NEGR1: variants seen among roughly 807,000 people sequenced by gnomAD.
NEGR1 encodes the protein IgLON family member 4.
NEGR1 carries 10 observed loss-of-function variants against 40.9 expected under a neutral mutation model. That is an observed-to-expected ratio of 0.24 (90% CI 0.15 to 0.42). The LOEUF is 0.42. Ranked by LOEUF, NEGR1 falls within the 10% of genes least tolerant of loss-of-function variation. NEGR1 has a pLI of 1.00. For synonymous variants in NEGR1, 185 were observed against 166.8 expected, an observed-to-expected ratio of 1.11 and a Z score of -0.84; for missense variants, 352 against 438.9, an observed-to-expected ratio of 0.80 and a Z score of 1.77.
rs530330261 is a variant in NEGR1, at chr1:72,087,441, T to A, written c.177-152130A>T. Among the ~76,000 whole-genome samples the A allele has an allele frequency of 7.6e-3, 1,115 of 147,636 alleles. 9 individuals carry two copies. The highest frequency in any genetic ancestry group is 0.021 in the African/African-American group (800 of 38,924). On this transcript the variant is annotated intron_variant, in intron 1 of 6. Coordinates refer to ENST00000357731, the MANE Select transcript of NEGR1 (RefSeq NM_173808.3). ...GTGAGATGCTGTCTCAAAAAAAAAA[T>A]ATATATATATATATTATTACTTAAC...
At chr1:71,607,039 G>A (rs1044894401) in intron 5 of NEGR1, among the ~76,000 whole-genome samples, 4 of 152,266 alleles carry the variant, frequency 2.6e-5, no homozygotes, top group East Asian at 1.9e-4. Context: ...GAAGTAAAGC[G>A]ATCGTATAAG....
chr1:72,173,732 G>A (rs1652051504), intron 1 of NEGR1, among the ~76,000 whole-genome samples: 1 of 152,106 alleles, frequency 6.6e-6, no homozygotes, highest in African/African-American at 2.4e-5. Flanking sequence ...CCTGAGGTGA[G>A]GAGTTCGAGA....
intron 1 of NEGR1, among the ~76,000 whole-genome samples, chr1:71,958,019 T>C (rs1230350645): frequency 1.3e-5 from 2 of 152,224 alleles, no homozygotes; most frequent in African/African-American, 4.8e-5. Context: ...CATCCTTTAA[T>C]GTCCATTATA....
chr1:72,097,620 T>C (rs1648752325), intron 1 of NEGR1, among the ~76,000 whole-genome samples: 1 of 152,212 alleles, frequency 6.6e-6, no homozygotes. Flanking sequence ...ACTGTTTTCT[T>C]CTGCCCCCAT....
intron 4 of NEGR1, among the ~76,000 whole-genome samples, chr1:71,672,884 C>A (rs778656783): frequency 6.6e-6 from 1 of 152,076 alleles, no homozygotes; most frequent in Non-Finnish European, 1.5e-5. Flanking sequence ...CAACACCTAA[C>A]GGCTTGGCGG....
Position 71,667,066 on chromosome 1 carries a change from A to T in NEGR1, c.667+30942T>A, listed in dbSNP as rs139224080. ...CTGGTCATATAATGAAGTCCATAAC[A>T]CAAAAGAAATGTGAGCAGGGCTGTA... On this transcript the variant is annotated intron_variant, in intron 4 of 6. Transcript: ENST00000357731. 5.9e-5 allele frequency among the ~76,000 whole-genome samples: 9 copies of T among 152,318 alleles called. No homozygotes were observed. In the East Asian group the frequency reaches 1.7e-3, roughly 29 times the overall value.
chr1:71,919,496 CTTTT>C (rs79222767), intron 2 of NEGR1, among the ~76,000 whole-genome samples: 5 of 139,562 alleles, frequency 3.6e-5, no homozygotes, highest in Non-Finnish European at 4.7e-5. Context: ...CTATCTTAAC[CTTTT>C]TTTTTTTTTT....
intron 1 of NEGR1, among the ~76,000 whole-genome samples, chr1:72,149,296 C>A (rs1455474441): frequency 6.6e-6 from 1 of 152,066 alleles, no homozygotes; most frequent in East Asian, 1.9e-4. Context: ...GATTCAACTA[C>A]CTCCCCCTGG....
chr1:71,491,440 A>T (rs1646926932), intron 6 of NEGR1, among the ~76,000 whole-genome samples: 1 of 152,038 alleles, frequency 6.6e-6, no homozygotes, highest in Admixed American at 6.6e-5. Flanking sequence ...GTGAAGGAAT[A>T]TGTATTTATT....
At chr1:72,059,739 A>G (rs1478664957) in intron 1 of NEGR1, among the ~76,000 whole-genome samples, 1 of 151,660 alleles carries the variant, frequency 6.6e-6, no homozygotes, top group Non-Finnish European at 1.5e-5. Flanking sequence ...CCTGCATATT[A>G]ATATTATCCA....
chr1:71,912,806 A>G lies in NEGR1; in HGVS notation c.409+22273T>C, dbSNP rs76952469. On this transcript the variant is annotated intron_variant, in intron 2 of 6. Transcript: ENST00000357731. ...TGGATAGATGGATAGATGTATGTAC[A>G]TGTGTGTGTATATATATATAGTACA... Among the ~76,000 whole-genome samples, 9 of 91,850 alleles carry G rather than the reference A, an allele frequency of 9.8e-5. No individual in the cohort carries two copies. The East Asian group carries it at 6.5e-3, about 66-fold the overall frequency. 60.3% of individuals were successfully genotyped at this position (91,850 alleles called of 152,430 possible).
intron 1 of NEGR1, among the ~76,000 whole-genome samples, chr1:72,118,771 A>G (rs1471702664): frequency 6.6e-6 from 1 of 151,834 alleles, no homozygotes; most frequent in African/African-American, 2.4e-5. Context: ...GAATGTATTT[A>G]TGTGTATATA....
At chr1:71,534,230 C>T (rs189750555) in intron 6 of NEGR1, among the ~76,000 whole-genome samples, 1 of 151,798 alleles carries the variant, frequency 6.6e-6, no homozygotes, top group East Asian at 2.0e-4. Flanking sequence ...AAGGCAGTGG[C>T]AATGACCAAT....
chr1:71,754,426 T>C (rs1655665854), intron 3 of NEGR1, among the ~76,000 whole-genome samples: 1 of 152,124 alleles, frequency 6.6e-6, no homozygotes, highest in Non-Finnish European at 1.5e-5. Context: ...ATATTTTTGG[T>C]GAAATAAGGA....
At chr1:71,410,405 C>T (rs906504599) in intron 6 of NEGR1, among the ~76,000 whole-genome samples, 5 of 152,034 alleles carry the variant, frequency 3.3e-5, no homozygotes, top group Non-Finnish European at 4.4e-5. Context: ...TTGAATTAAG[C>T]CTCACATAGG....
intron 1 of NEGR1, among the ~76,000 whole-genome samples, chr1:72,126,287 A>T (rs553087974): frequency 3.3e-5 from 5 of 152,124 alleles, no homozygotes; most frequent in African/African-American, 7.2e-5. Context: ...TTAAACTACA[A>T]TTACAAAACA....
chr1:72,000,036 C>T (rs1325522667), intron 1 of NEGR1, among the ~76,000 whole-genome samples: 1 of 151,542 alleles, frequency 6.6e-6, no homozygotes, highest in African/African-American at 2.4e-5. Context: ...TGTTCGGTTC[C>T]CAGAATAACA....
At chr1:71,575,606 A>G (rs1023733179) in intron 6 of NEGR1, among the ~76,000 whole-genome samples, 1 of 151,714 alleles carries the variant, frequency 6.6e-6, no homozygotes, top group Non-Finnish European at 1.5e-5. Flanking sequence ...ACATGGTGAA[A>G]CCCCGTCTCT....
At chr1:72,201,078 C>T (rs1263864397) in intron 1 of NEGR1, among the ~76,000 whole-genome samples, 2 of 151,684 alleles carry the variant, frequency 1.3e-5, no homozygotes, top group Non-Finnish European at 1.5e-5. Flanking sequence ...AAATCTCTCT[C>T]ATTTACTCCA....
Sources: gnomAD v4.1 joint callset for allele counts (sites outside exome capture counted in the v4.1 genomes callset) on GRCh38, gnomAD v4.1.1 for gene constraint, MANE v1.5 for transcripts, NCBI Gene and HGNC (gene_info 2026-07-23, HGNC 2026-07-21) for gene names.